PTPN6: variants seen among roughly 807,000 people sequenced by gnomAD.
The protein encoded by PTPN6 is tyrosine-protein phosphatase non-receptor type 6.
In PTPN6, 18 loss-of-function variants were observed where a neutral mutation model predicts 81.5. That is an observed-to-expected ratio of 0.22 (90% CI 0.15 to 0.33). The LOEUF (loss-of-function observed/expected upper bound fraction) is 0.33, where lower values mean the gene tolerates loss of function less well. Among genes scored for constraint, PTPN6 ranks in the 10% least tolerant of loss-of-function variants. The probability of loss-of-function intolerance (pLI) is 1.00; values close to 1 mark genes in which losing one functional copy is unlikely to be tolerated. For synonymous variants in PTPN6, 301 were observed against 310.9 expected (o/e 0.97, Z 0.33); for missense variants, 500 against 794.2 (o/e 0.63, Z 4.45).
Position 6,951,986 on chromosome 12 carries a change from G to T in PTPN6, c.135G>T (p.Val45=). The change falls in exon 3 of 16, where the codon GTG becomes GTT. Residue 45 remains valine (V), a synonymous_variant. Coordinates refer to ENST00000318974, the MANE Select transcript of PTPN6 (RefSeq NM_002831.6). The surrounding 1 kb of genome is among the most constrained non-coding windows in gnomAD (Gnocchi z 7.2). ...NQGDFSLSVR[V]GDQVTHIRIQ... ...CTCACCGCCTGGTGCCCTGCAGGGT[G>T]GGGGATCAGGTGACCCATATTCGGA... 7 of 1,614,012 alleles carry T rather than the reference G, an allele frequency of 4.3e-6. No individual in the cohort carries two copies. Among genetic ancestry groups the T allele is most frequent in the Non-Finnish European group, 5.9e-6 (7 of 1,179,950 alleles).
At chr12:6,949,278 C>T (rs2138253378), upstream of PTPN6, among the ~76,000 whole-genome samples, 1 of 152,366 alleles carries the variant, frequency 6.6e-6, no homozygotes, top group South Asian at 2.1e-4. Context: ...AGCCACATGG[C>T]TTGCTCACGG....
In PTPN6 at chr12:6,954,588, C is replaced by G. The variant is rs1945988149; in HGVS notation, c.327-217C>G. On this transcript the variant is annotated intron_variant, in intron 3 of 15. Coordinates refer to ENST00000318974, the MANE Select transcript of PTPN6 (RefSeq NM_002831.6). This position sits in a 1 kb window ranked among gnomAD's most constrained non-coding sequence, Gnocchi z 5.4. ...GGCCCTAGGCCAGTGAGTAACAGCTCAGCGTCAGTTTCCTCATCTATAAAA... is the reference window on the plus strand; with the variant it reads ...GGCCCTAGGCCAGTGAGTAACAGCTGAGCGTCAGTTTCCTCATCTATAAAA... Among the ~76,000 whole-genome samples, 1 of 152,192 alleles carries G rather than the reference C, an allele frequency of 6.6e-6. No individual in the cohort carries two copies. The highest frequency in any genetic ancestry group is 2.1e-4 in the South Asian group (1 of 4,834).
chr12:6,957,742 C>T lies in PTPN6; in HGVS notation c.1163C>T (p.Thr388Ile). 3 of 1,613,518 alleles carry T rather than the reference C, an allele frequency of 1.9e-6. No individual in the cohort carries two copies. The highest frequency in any genetic ancestry group is 2.5e-6 in the Non-Finnish European group (3 of 1,179,614). Residue 388 changes from threonine to isoleucine, a missense_variant, in exon 10 of 16, where the codon ACC becomes ATC. By Grantham distance (89) the Thr-to-Ile change is moderately conservative (BLOSUM62 -1). This residue lies in a region of PTPN6 where 226 missense variants were observed against 364.4 expected (regional missense o/e 0.62). Coordinates refer to ENST00000318974, the MANE Select transcript of PTPN6 (RefSeq NM_002831.6). The surrounding 1 kb of genome is among the most constrained non-coding windows in gnomAD (Gnocchi z 6.5). ...SVTNCGEHDT[T>I]EYKLRTLQVS... ...ACCAACTGCGGGGAGCATGACACAA[C>T]CGAATACAAACTCCGTACCTTACAG...
chr12:6,958,420 C>T (rs916960620), intron 11 of PTPN6, among the ~76,000 whole-genome samples: 3 of 152,244 alleles, frequency 2.0e-5, no homozygotes, highest in Admixed American at 6.5e-5. Context: ...GGCCTGTGTC[C>T]CGGCTGCTCC....
chr12:6,960,885 A>G lies in PTPN6; in HGVS notation c.1753A>G (p.Lys585Glu), dbSNP rs367563603. 4.4e-6 allele frequency: 7 copies of G among 1,578,362 alleles called. No individual in the cohort carries two copies. In the African/African-American group the frequency reaches 8.1e-5, roughly 18 times the overall value. The change falls in exon 15 of 16, where the codon AAG (lysine) becomes GAG (glutamate). Residue 585 changes from lysine to glutamate, a missense_variant. Physicochemically the swap from Lys to Glu is moderately conservative, Grantham distance 56. Around this residue, in one of 6 missense-constraint regions of PTPN6, gnomAD observed 56 missense variants for 56.4 expected, o/e 0.99. Coordinates refer to ENST00000318974, the MANE Select transcript of PTPN6 (RefSeq NM_002831.6). This position sits in a 1 kb window ranked among gnomAD's most constrained non-coding sequence, Gnocchi z 6.1. The part of the protein sequence containing the change: ...EKVKKQRSAD[K>E]EKSKGSLKRK The stretch of plus-strand genomic sequence containing the variant: ...AGTGAAGAAGCAGCGGTCAGCAGAC[A>G]AGGAGAAGAGCAAGGGTTCCCTCAA...
chr12:6,960,309 G>A lies in PTPN6; in HGVS notation c.1582-35G>A. On this transcript the variant is annotated intron_variant, in intron 13 of 15. Transcript: ENST00000318974. This position sits in a 1 kb window ranked among gnomAD's most constrained non-coding sequence, Gnocchi z 6.1. ...GGATGGGTGCCACCTGGCCCTGCTG[G>A]GACCACCACCTTCCCACTGTCCCTC... 6.2e-7 allele frequency: 1 copy of A among 1,611,394 alleles called. No individual in the cohort carries two copies. Among genetic ancestry groups the A allele is most frequent in the Non-Finnish European group, 8.5e-7 (1 of 1,179,568 alleles).
chr12:6,957,547 A>G lies in PTPN6; in HGVS notation c.1075-107A>G. On this transcript the variant is annotated intron_variant, in intron 9 of 15. Transcript: ENST00000318974. This position sits in a 1 kb window ranked among gnomAD's most constrained non-coding sequence, Gnocchi z 6.5. ...TCTCTGCCAGCCCATCCGTCCATCC[A>G]ACAAATGTTTGGGCCGGTGCCAGGC... 7.0e-7 allele frequency: 1 copy of G among 1,430,362 alleles called. No individual in the cohort carries two copies. Among genetic ancestry groups the G allele is most frequent in the Non-Finnish European group, 9.6e-7 (1 of 1,044,882 alleles). The allele number at this position is 1,430,362 out of a possible 1,614,324, so 88.6% of individuals were successfully genotyped here.
chr12:6,947,106 C>T (rs1024242620), upstream of PTPN6, among the ~76,000 whole-genome samples: 1 of 152,214 alleles, frequency 6.6e-6, no homozygotes, highest in Admixed American at 6.5e-5. Flanking sequence ...CCACGTCCAG[C>T]CAACTTCTCC....
chr12:6,958,377 A>G (rs1946070439), intron 11 of PTPN6, among the ~76,000 whole-genome samples: 1 of 152,250 alleles, frequency 6.6e-6, no homozygotes, highest in African/African-American at 2.4e-5. Context: ...GGCCCAAGCT[A>G]GTCAGGGCAA....
chr12:6,951,698 G>T lies in PTPN6; in HGVS notation c.98G>T (p.Arg33Leu), dbSNP rs369614203. 1.9e-6 allele frequency: 3 copies of T among 1,613,446 alleles called. No homozygotes were observed. Among genetic ancestry groups the T allele is most frequent in the Non-Finnish European group, 1.7e-6 (2 of 1,180,008 alleles). ...GGTAGCTTCCTGGCTCGGCCCAGTC[G>T]CAAGAACCAGGGTGACTTCTCGCTC... ...VHGSFLARPS[R>L]KNQGDFSLSV... Residue 33 changes from arginine (R) to leucine (L), a missense_variant, in exon 2 of 16, where the codon CGC becomes CTC. Arg to Leu is a moderately radical substitution (Grantham distance 102). Coordinates refer to ENST00000318974, the MANE Select transcript of PTPN6 (RefSeq NM_002831.6). This position sits in a 1 kb window ranked among gnomAD's most constrained non-coding sequence, Gnocchi z 7.2.
Position 6,951,579 on chromosome 12 carries a change from C to T in PTPN6, c.9-30C>T. 6.2e-7 allele frequency: 1 copy of T among 1,613,824 alleles called. No individual in the cohort carries two copies. Among genetic ancestry groups the T allele is most frequent in the Admixed American group, 1.7e-5 (1 of 60,010 alleles). On this transcript the variant is annotated intron_variant, in intron 1 of 15. Transcript: ENST00000318974. The surrounding 1 kb of genome is among the most constrained non-coding windows in gnomAD (Gnocchi z 7.2). ...AAGGGTGCCTGGTGCCCACGGGACC[C>T]CTCCTCACTGCCCTGCCTGGGCCGC...
In PTPN6 at chr12:6,961,315, T is replaced by A; in HGVS notation, c.*215T>A. ...TGTAAATAAAGCCCTGGGATCACTG[T>A]GTGTCGCCTCTGAGCCCTTTGCTTG... On this transcript the variant is annotated 3_prime_UTR_variant, in exon 16 of 16. Coordinates refer to ENST00000318974, the MANE Select transcript of PTPN6 (RefSeq NM_002831.6). 3.4e-6 allele frequency: 1 copy of A among 291,600 alleles called. No homozygotes were observed. Among genetic ancestry groups the A allele is most frequent in the Non-Finnish European group, 6.9e-6 (1 of 145,018 alleles). The allele number at this position is 291,600 out of a possible 1,614,324, so 18.1% of individuals were successfully genotyped here.
chr12:6,954,858 A>G lies in PTPN6; in HGVS notation c.380A>G (p.Lys127Arg), dbSNP rs782364925. The change falls in exon 4 of 16, where the codon AAG (lysine) becomes AGG (arginine). Residue 127 changes from lysine (K) to arginine (R), a missense_variant. By Grantham distance (26) the Lys-to-Arg change is conservative. Around this residue, in one of 6 missense-constraint regions of PTPN6, gnomAD observed 98 missense variants for 199.2 expected, o/e 0.49. Coordinates refer to ENST00000318974, the MANE Select transcript of PTPN6 (RefSeq NM_002831.6). This position sits in a 1 kb window ranked among gnomAD's most constrained non-coding sequence, Gnocchi z 5.4. ...CAGGCAGAGACGCTGCTGCAGGCCA[A>G]GGGCGAGCCCTGGACGTTTCTTGTG... ...GGQAETLLQAKGEPWTFLVRE... is the reference protein window; with the variant it reads ...GGQAETLLQARGEPWTFLVRE... 1 of 1,614,094 alleles carries G rather than the reference A, an allele frequency of 6.2e-7. No homozygotes were observed. The highest frequency in any genetic ancestry group is 1.3e-5 in the African/African-American group (1 of 74,954).
At chr12:6,958,190 C>A in intron 11 of PTPN6, 117 bp downstream of exon 11, 2 of 1,390,118 alleles carry the variant, frequency 1.4e-6, no homozygotes, top group South Asian at 1.2e-5. Flanking sequence ...CCTCCGCTCA[C>A]CCCCGGCTTC....
upstream of PTPN6, among the ~76,000 whole-genome samples, chr12:6,949,239 G>A (rs868929446): frequency 6.6e-5 from 10 of 152,192 alleles, no homozygotes; most frequent in African/African-American, 2.4e-4. Context: ...CTACAGCAGG[G>A]TCCCCACCTC....
At chr12:6,961,100 A>G in intron 15 of PTPN6, 26 bp from the exon 16 acceptor site, 1 of 1,180,228 alleles carries the variant, frequency 8.5e-7, no homozygotes, top group South Asian at 1.5e-5. Flanking sequence ...CTACCCTCTC[A>G]CTCCCTCACT....
At position 6,960,498 on chromosome 12, in the gene PTPN6, A is replaced by C. The variant is rs1946118667; in HGVS notation, c.1673+63A>C. On this transcript the variant is annotated intron_variant, in intron 14 of 15. Transcript: ENST00000318974. The surrounding 1 kb of genome is among the most constrained non-coding windows in gnomAD (Gnocchi z 6.1). The stretch of plus-strand genomic sequence containing the variant: ...CTTTGTCCTGCCCAGCCCGATCCTC[A>C]CTTTCTGGAGAGGACAAGTGTTGCA... 1.3e-6 allele frequency: 2 copies of C among 1,534,722 alleles called. No individual in the cohort carries two copies. The highest frequency in any genetic ancestry group is 1.1e-5 in the South Asian group (1 of 87,588).
At position 6,954,907 on chromosome 12, in the gene PTPN6, A is replaced by C. The variant is rs1945997278; in HGVS notation, c.429A>C (p.Gly143=). ...FLVRESLSQP[G]DFVLSVLSDQ... The stretch of plus-strand genomic sequence containing the variant: ...TGCGTGAGAGCCTCAGCCAGCCTGG[A>C]GACTTCGTGCTTTCTGTGCTCAGTG... The change falls in exon 4 of 16, where the codon GGA becomes GGC. Residue 143 remains glycine, a synonymous_variant. Coordinates refer to ENST00000318974, the MANE Select transcript of PTPN6 (RefSeq NM_002831.6). The surrounding 1 kb of genome is among the most constrained non-coding windows in gnomAD (Gnocchi z 5.4). 1 of 1,614,088 alleles carries C rather than the reference A, an allele frequency of 6.2e-7. No homozygotes were observed. Among genetic ancestry groups the C allele is most frequent in the African/African-American group, 1.3e-5 (1 of 74,940 alleles).
Position 6,960,922 on chromosome 12 carries a change from C to T in PTPN6, c.*2C>T, listed in dbSNP as rs1555149868. ...AAGGGTTCCCTCAAGAGGAAGTGAGCGGTGCTGTCCTCAGGTGGCCATGGT... is the reference window on the plus strand; with the variant it reads ...AAGGGTTCCCTCAAGAGGAAGTGAGTGGTGCTGTCCTCAGGTGGCCATGGT... On this transcript the variant is annotated 3_prime_UTR_variant, in exon 15 of 16. Coordinates refer to ENST00000318974, the MANE Select transcript of PTPN6 (RefSeq NM_002831.6). The surrounding 1 kb of genome is among the most constrained non-coding windows in gnomAD (Gnocchi z 6.1). 12 of 1,562,534 alleles carry T rather than the reference C, an allele frequency of 7.7e-6. No homozygotes were observed. Among genetic ancestry groups the T allele is most frequent in the Non-Finnish European group, 1.0e-5 (12 of 1,153,086 alleles).
Sources: allele counts gnomAD v4.1 joint callset (sites outside exome capture counted in the v4.1 genomes callset), GRCh38; gene constraint gnomAD v4.1.1; regional missense constraint gnomAD v4.1.1; non-coding constraint Gnocchi (gnomAD v3.1); transcripts MANE v1.5; gene names NCBI Gene and HGNC (gene_info 2026-07-23, HGNC 2026-07-21).